The following SPTB variants were observed in gnomAD, a reference collection of about 807,000 sequenced individuals.
SPTB encodes spectrin beta chain, erythrocytic.
Under a neutral mutation model 256.2 loss-of-function variants are expected in SPTB, and 45 were observed. The ratio of observed to expected loss-of-function variants is 0.18; its 90% CI spans 0.14 to 0.23. The LOEUF (loss-of-function observed/expected upper bound fraction) is 0.23, where lower values mean the gene tolerates loss of function less well. Among genes scored for constraint, SPTB ranks in the 10% least tolerant of loss-of-function variants. The pLI is 1.00. For synonymous variants in SPTB, 1,231 were observed against 1,243.1 expected (o/e 0.99, Z 0.21); for missense variants, 2,715 against 3,040.4 (o/e 0.89, Z 2.52).
In SPTB at chr14:64,767,798, C is replaced by T; in HGVS notation, c.6084G>A (p.Gln2028=). 6.2e-7 allele frequency: 1 copy of T among 1,614,148 alleles called. No individual in the cohort carries two copies. The stretch of plus-strand genomic sequence containing the variant: ...AGTCCCCGCTGGCCAGGTAGGGCTC[C>T]TGGGCAATCAGCCACGCCTCAGCCA... ...ASVAEAWLIA[Q]EPYLASGDFG... Residue 2028 remains glutamine (Q), a synonymous_variant, in exon 30 of 36, where the codon CAG becomes CAA. Coordinates refer to ENST00000644917, the MANE Select transcript of SPTB (RefSeq NM_001355436.2).
rs183321687 is a variant in SPTB, at chr14:64,765,373, G to A, written c.6345+1353C>T. 5.9e-4 allele frequency among the ~76,000 whole-genome samples: 90 copies of A among 152,230 alleles called. No individual in the cohort carries two copies. In the East Asian group the frequency reaches 0.016, roughly 27 times the overall value. On this transcript the variant is annotated intron_variant, in intron 32 of 35. Coordinates refer to ENST00000644917, the MANE Select transcript of SPTB (RefSeq NM_001355436.2). ...TTTCTTCTCGGTCAGCTGCTCCCCA[G>A]AGCAGCTCCCTAAGCCTGGGTGACA...
intron 1 of SPTB, among the ~76,000 whole-genome samples, chr14:64,836,924 G>A (rs2083532033): frequency 6.6e-6 from 1 of 152,174 alleles, no homozygotes; most frequent in Non-Finnish European, 1.5e-5. Flanking sequence ...TTTTGAGAGA[G>A]GAAATTTAGG....
chr14:64,767,579 A>G lies in SPTB; in HGVS notation c.6219+84T>C. ...CCTGTCACACCATTCTAAGTACCTA[A>G]CAACTGGCCTGGAGTCCTTACATGA... On this transcript the variant is annotated intron_variant, in intron 30 of 35. Coordinates refer to ENST00000644917, the MANE Select transcript of SPTB (RefSeq NM_001355436.2). The G allele has an allele frequency of 7.1e-6, 11 of 1,553,972 alleles. No individual in the cohort carries two copies. The South Asian group carries it at 1.2e-4, about 17-fold the overall frequency.
At position 64,785,544 on chromosome 14, in the gene SPTB, C is replaced by A. The variant is rs369252262; in HGVS notation, c.3848G>T (p.Cys1283Phe). 5.6e-6 allele frequency: 9 copies of A among 1,612,826 alleles called. No individual in the cohort carries two copies. The South Asian group carries it at 9.9e-5, about 18-fold the overall frequency. ...NLELQNFLQN[C>F]QELTLWINDK... ...TCCTTGCTGGAGCCTCACCTCCTGG[C>A]AGTTCTGGAGGAAGTTCTGTAGCTC... The change falls in exon 18 of 36, where the codon TGC becomes TTC. Residue 1283 changes from cysteine to phenylalanine, a missense_variant. Coordinates refer to ENST00000644917, the MANE Select transcript of SPTB (RefSeq NM_001355436.2). The surrounding 1 kb of genome is among the most constrained non-coding windows in gnomAD (Gnocchi z 4.4).
intron 15 of SPTB, among the ~76,000 whole-genome samples, chr14:64,789,546 C>T (rs1034449495): frequency 5.3e-5 from 8 of 152,030 alleles, no homozygotes; most frequent in Admixed American, 1.3e-4. Context: ...GGGCGGTCAG[C>T]GGGGGCCATG....
chr14:64,812,669 A>C (rs540009490), intron 2 of SPTB, among the ~76,000 whole-genome samples: 1 of 150,868 alleles, frequency 6.6e-6, no homozygotes, highest in East Asian at 2.0e-4. Flanking sequence ...AGCCCCACCC[A>C]CTGCAGCACC....
At chr14:64,839,095 G>A (rs1047516736) in intron 1 of SPTB, among the ~76,000 whole-genome samples, 8 of 151,934 alleles carry the variant, frequency 5.3e-5, no homozygotes, top group African/African-American at 1.9e-4. Context: ...TCGCACCATT[G>A]CACTCCAGCC....
At chr14:64,773,113 A>G (rs1594759480) in intron 25 of SPTB, 107 bp downstream of exon 25, 2 of 1,552,902 alleles carry the variant, frequency 1.3e-6, no homozygotes, top group Non-Finnish European at 8.8e-7. Flanking sequence ...CCCGCCTCAC[A>G]CTGGGGAGGT....
chr14:64,764,251 CCAGGTTGGGCTTTCCCGA>C lies in SPTB; in HGVS notation c.6345+2457_6345+2474del, dbSNP rs1387752890. Among the ~76,000 whole-genome samples, 1 of 152,220 alleles carries C rather than the reference CCAGGTTGGGCTTTCCCGA, an allele frequency of 6.6e-6. No individual in the cohort carries two copies. The highest frequency in any genetic ancestry group is 1.9e-4 in the East Asian group (1 of 5,194). ...TGGGCTTGCAAGGAGCCTTCTAGAG[CCAGGTTGGGCTTTCCCGA>C]CAGGCTCTGTCCTCCTCTTTCTTGC... On this transcript the variant is annotated intron_variant, in intron 32 of 35. Coordinates refer to ENST00000644917, the MANE Select transcript of SPTB (RefSeq NM_001355436.2). This position sits in a 1 kb window ranked among gnomAD's most constrained non-coding sequence, Gnocchi z 4.2.
Position 64,753,651 on chromosome 14 carries a change from C to T in SPTB, c.6488G>A (p.Gly2163Asp), listed in dbSNP as rs1037475281. 1.2e-6 allele frequency: 2 copies of T among 1,613,580 alleles called. No individual in the cohort carries two copies. The highest frequency in any genetic ancestry group is 1.3e-5 in the African/African-American group (1 of 74,908). ...GGCCGGCAGCGTTGCGGGCTCATCA[C>T]CCTCGCTCAGAGGCGTATCTAGGAC... is the stretch of plus-strand genomic sequence containing the variant. ...FKVLDTPLSE[G>D]DEPATLPAPR... is the part of the protein sequence containing the mutation. Residue 2163 changes from glycine to aspartate, a missense_variant, in exon 33 of 36, where the codon GGT (glycine) becomes GAT (aspartate). By Grantham distance (94) the Gly-to-Asp change is moderately conservative. Around this residue, in one of 4 missense-constraint regions of SPTB, gnomAD observed 2,239 missense variants for 2,384.4 expected, o/e 0.94. Coordinates refer to ENST00000644917, the MANE Select transcript of SPTB (RefSeq NM_001355436.2).
rs1262723704 is a variant in SPTB, at chr14:64,779,297, T to G, written c.4474-51A>C. The G allele has an allele frequency of 3.4e-6, 5 of 1,474,920 alleles. No individual in the cohort carries two copies. Among genetic ancestry groups the G allele is most frequent in the Non-Finnish European group, 4.7e-6 (5 of 1,062,526 alleles). The allele number at this position is 1,474,920 out of a possible 1,614,324, so 91.4% of individuals were successfully genotyped here. A position where few individuals can be genotyped will look rare whatever the true frequency, so the allele number is the denominator to read the frequency against. ...AGCTGATGACAATCACGGCCAACCT[T>G]TCCTGAGTGCTCACCATGGGCGGCG... is the stretch of plus-strand genomic sequence containing the variant. On this transcript the variant is annotated intron_variant, in intron 21 of 35. Coordinates refer to ENST00000644917, the MANE Select transcript of SPTB (RefSeq NM_001355436.2). This position sits in a 1 kb window ranked among gnomAD's most constrained non-coding sequence, Gnocchi z 4.2.
intron 32 of SPTB, among the ~76,000 whole-genome samples, chr14:64,765,930 GTA>G (rs2082168867): frequency 6.7e-6 from 1 of 148,222 alleles, no homozygotes; most frequent in Non-Finnish European, 1.5e-5. Context: ...GTATGAGTGT[GTA>G]TGTGTGTGGG....
rs1053256453 is a variant in SPTB at position 64,764,643 on chromosome 14, G to A, written c.6345+2083C>T. On this transcript the variant is annotated intron_variant, in intron 32 of 35. Transcript: ENST00000644917. The surrounding 1 kb of genome is among the most constrained non-coding windows in gnomAD (Gnocchi z 4.2). ...TAATTACATTTGCACAGACACAGATGACACAGACAGTGGATGGAGTCGCTC... is the reference window on the plus strand; with the variant it reads ...TAATTACATTTGCACAGACACAGATAACACAGACAGTGGATGGAGTCGCTC... 5.9e-5 allele frequency among the ~76,000 whole-genome samples: 9 copies of A among 152,316 alleles called. No individual in the cohort carries two copies. The highest frequency in any genetic ancestry group is 2.1e-4 in the South Asian group (1 of 4,826).
At chr14:64,865,380 A>G (rs1307283395) in intron 1 of SPTB, among the ~76,000 whole-genome samples, 1 of 151,896 alleles carries the variant, frequency 6.6e-6, no homozygotes. Context: ...GTGAGATGTA[A>G]AGTGACTTCC....
rs1882676837 is a variant in SPTB, at chr14:64,873,814, C to CATTG, written c.-52+5974_-52+5977dup. ...GTTTTGGAATAAACTACTAGAGGGACATTGAGTATATAAATGTACATTTCT... is the reference window on the plus strand; with the variant it reads ...GTTTTGGAATAAACTACTAGAGGGACATTGATTGAGTATATAAATGTACATTTCT... On this transcript the variant is annotated intron_variant, in intron 1 of 35. Coordinates refer to ENST00000644917, the MANE Select transcript of SPTB (RefSeq NM_001355436.2). The surrounding 1 kb of genome is among the most constrained non-coding windows in gnomAD (Gnocchi z 4.3). 6.6e-6 allele frequency among the ~76,000 whole-genome samples: 1 copy of CATTG among 152,270 alleles called. No homozygotes were observed. The highest frequency in any genetic ancestry group is 1.5e-5 in the Non-Finnish European group (1 of 68,012).
At chr14:64,756,531 T>C (rs2082019421) in intron 32 of SPTB, 1 of 152,224 alleles carries the variant, frequency 6.6e-6, no homozygotes, top group South Asian at 2.1e-4. Flanking sequence ...ATCACACCAC[T>C]GCACTCCAGC....
rs1489970569 is a variant in SPTB, at chr14:64,804,951, A to G, written c.288T>C (p.Ser96=). The G allele has an allele frequency of 2.5e-6, 4 of 1,614,210 alleles. No homozygotes were observed. The South Asian group carries it at 4.4e-5, about 18-fold the overall frequency. ...RMLIKLLEVL[S]GEMLPKPTKG... Reference sequence around the variant, plus strand: ...GAAGGGACTTTACCAGCATCTCTCCAGAGAGCACCTCCAGCAGCTTGATGA... The same window carrying G: ...GAAGGGACTTTACCAGCATCTCTCCGGAGAGCACCTCCAGCAGCTTGATGA... Residue 96 remains serine, a synonymous_variant, in exon 3 of 36, where the codon TCT becomes TCC. Transcript: ENST00000644917.
At chr14:64,768,787 C>T (rs75567188) in intron 29 of SPTB, among the ~76,000 whole-genome samples, 3 of 152,114 alleles carry the variant, frequency 2.0e-5, no homozygotes, top group Non-Finnish European at 2.9e-5. Context: ...GGGACAAGTG[C>T]GGCAGAGGAT....
rs1268048228 is a variant in SPTB, at chr14:64,779,290, C to T, written c.4474-44G>A. The T allele has an allele frequency of 6.5e-7, 1 of 1,527,584 alleles. No individual in the cohort carries two copies. The highest frequency in any genetic ancestry group is 1.4e-5 in the African/African-American group (1 of 71,074). 94.6% of individuals were successfully genotyped at this position (1,527,584 alleles called of 1,614,324 possible). On this transcript the variant is annotated intron_variant, in intron 21 of 35. Coordinates refer to ENST00000644917, the MANE Select transcript of SPTB (RefSeq NM_001355436.2). The surrounding 1 kb of genome is among the most constrained non-coding windows in gnomAD (Gnocchi z 4.2). ...AGGAGAGAGCTGATGACAATCACGG[C>T]CAACCTTTCCTGAGTGCTCACCATG... is the stretch of plus-strand genomic sequence containing the variant.
Sources: gnomAD v4.1 joint callset for allele counts (sites outside exome capture counted in the v4.1 genomes callset) on GRCh38, gnomAD v4.1.1 for gene constraint, gnomAD v4.1.1 regional missense constraint, Gnocchi (gnomAD v3.1) non-coding constraint, MANE v1.5 for transcripts, NCBI Gene and HGNC (gene_info 2026-07-23, HGNC 2026-07-21) for gene names.